Variants in NCAM1 observed in about 807,000 individuals in gnomAD.
The protein encoded by NCAM1 is antigen recognized by monoclonal antibody 5.1H11.
Under a neutral mutation model 109.8 loss-of-function variants are expected in NCAM1, and 14 were observed. That is an observed-to-expected ratio of 0.13 (90% CI 0.08 to 0.20). The LOEUF (loss-of-function observed/expected upper bound fraction) is 0.20. NCAM1 is among the 10% of genes least tolerant of loss of function. The probability of loss-of-function intolerance (pLI) is 1.00; values close to 1 mark genes in which losing one functional copy is unlikely to be tolerated. For synonymous variants in NCAM1, 418 were observed against 442.9 expected (o/e 0.94, Z 0.70); for missense variants, 774 against 1,109.9 (o/e 0.70, Z 4.30).
chr11:113,273,676 C>T lies in NCAM1; in HGVS notation c.2457-1591C>T, dbSNP rs781994221. The T allele has an allele frequency of 4.4e-6, 2 of 456,118 alleles. No individual in the cohort carries two copies. Among genetic ancestry groups the T allele is most frequent in the Admixed American group, 2.4e-5 (1 of 42,524 alleles). The allele number at this position is 456,118 out of a possible 1,614,324, so 28.3% of individuals were successfully genotyped here. A position where few individuals can be genotyped will look rare whatever the true frequency, so the allele number is the denominator to read the frequency against. Reference sequence around the variant, plus strand: ...GGCTCTCCTGCTCCCGCCGCTGGGGCCAGTGGACAAGCCCCTGAGCTTGCT... The same window carrying T: ...GGCTCTCCTGCTCCCGCCGCTGGGGTCAGTGGACAAGCCCCTGAGCTTGCT... On this transcript the variant is annotated intron_variant, in intron 19 of 19. Coordinates refer to ENST00000316851, the MANE Select transcript of NCAM1 (RefSeq NM_181351.5). The surrounding 1 kb of genome is among the most constrained non-coding windows in gnomAD (Gnocchi z 6.0).
chr11:113,016,615 C>T (rs1952212108), intron 1 of NCAM1, among the ~76,000 whole-genome samples: 1 of 152,048 alleles, frequency 6.6e-6, no homozygotes, highest in Admixed American at 6.5e-5. Context: ...TAGGGTGTGC[C>T]AGTTGCCTGT....
intron 1 of NCAM1, among the ~76,000 whole-genome samples, chr11:113,073,786 G>A (rs1555085677): frequency 6.6e-6 from 1 of 152,174 alleles, no homozygotes; most frequent in East Asian, 1.9e-4. Context: ...TGTCAGAAGT[G>A]AGGAACACAC....
chr11:112,981,470 T>C (rs1940729), intron 1 of NCAM1, among the ~76,000 whole-genome samples: 68,026 of 151,340 alleles, frequency 0.45, 16,096 homozygotes, highest in East Asian at 0.8. Context: ...TCTTAGATGG[T>C]ATGTATTGTG....
chr11:113,268,368 C>T (rs1946185133), intron 17 of NCAM1, among the ~76,000 whole-genome samples: 1 of 152,178 alleles, frequency 6.6e-6, no homozygotes, highest in African/African-American at 2.4e-5. Flanking sequence ...AAGCAGAGTT[C>T]TTCGCCATCT....
intron 1 of NCAM1, among the ~76,000 whole-genome samples, chr11:113,070,792 A>G (rs1434320378): frequency 6.6e-6 from 1 of 152,166 alleles, no homozygotes; most frequent in Non-Finnish European, 1.5e-5. Context: ...TTGCTGATAG[A>G]CAGGGGAGAA....
intron 15 of NCAM1, among the ~76,000 whole-genome samples, chr11:113,252,502 T>G (rs1555121546): frequency 1.3e-5 from 2 of 152,146 alleles, no homozygotes; most frequent in Non-Finnish European, 2.9e-5. Context: ...GTTTTTTCAT[T>G]TGGCAAACAA....
At chr11:113,115,563 G>C (rs1940661728) in intron 1 of NCAM1, among the ~76,000 whole-genome samples, 1 of 152,202 alleles carries the variant, frequency 6.6e-6, no homozygotes, top group African/African-American at 2.4e-5. Context: ...ACGGTGACCA[G>C]AAAGTCAGGA....
At chr11:113,258,894 C>T (rs887812800) in intron 16 of NCAM1, among the ~76,000 whole-genome samples, 4 of 152,180 alleles carry the variant, frequency 2.6e-5, no homozygotes, top group Non-Finnish European at 5.9e-5. Context: ...TGTGATTTTA[C>T]GTTAGTCACC....
chr11:113,204,701 C>A (rs557496378), intron 3 of NCAM1, among the ~76,000 whole-genome samples, 197 bp downstream of exon 3: 31 of 152,304 alleles, frequency 2.0e-4, no homozygotes, highest in African/African-American at 6.5e-4. Flanking sequence ...GCTACTCCCC[C>A]ACAGGCGTTC....
chr11:113,158,105 A>G (rs912074939), intron 1 of NCAM1, among the ~76,000 whole-genome samples: 7 of 152,192 alleles, frequency 4.6e-5, no homozygotes, highest in Non-Finnish European at 8.8e-5. Flanking sequence ...ATAATATCTA[A>G]AAATTGTATA....
intron 9 of NCAM1, among the ~76,000 whole-genome samples, chr11:113,222,278 C>CT (rs2137104747): frequency 6.6e-6 from 1 of 152,292 alleles, no homozygotes; most frequent in East Asian, 1.9e-4. Context: ...TTTGGTAAAT[C>CT]TATCCCTTAG....
At chr11:113,262,264 A>G (rs187290290) in intron 17 of NCAM1, among the ~76,000 whole-genome samples, 92 of 152,350 alleles carry the variant, frequency 6.0e-4, no homozygotes, top group African/African-American at 2.1e-3. Flanking sequence ...AGCCTGCTTC[A>G]TCTCTGACAA....
chr11:113,053,003 G>A (rs1442986354), intron 1 of NCAM1, among the ~76,000 whole-genome samples: 1 of 152,168 alleles, frequency 6.6e-6, no homozygotes, highest in Non-Finnish European at 1.5e-5. Context: ...CTGCCACAAA[G>A]AGTGTAGGTC....
chr11:113,055,026 A>G (rs1272890186), intron 1 of NCAM1, among the ~76,000 whole-genome samples: 1 of 152,216 alleles, frequency 6.6e-6, no homozygotes, highest in Non-Finnish European at 1.5e-5. Context: ...TTTGCTGAAG[A>G]CATGATACAG....
chr11:113,142,299 T>C (rs1396909847), intron 1 of NCAM1, among the ~76,000 whole-genome samples: 1 of 152,168 alleles, frequency 6.6e-6, no homozygotes, highest in African/African-American at 2.4e-5. Flanking sequence ...CTTTTTGACA[T>C]TAGAGTCTGT....
chr11:113,056,255 G>A (rs1555082566), intron 1 of NCAM1, among the ~76,000 whole-genome samples: 2 of 151,432 alleles, frequency 1.3e-5, no homozygotes, highest in Non-Finnish European at 1.5e-5. Flanking sequence ...TGGGAAGGGA[G>A]AAAGGGAAAT....
chr11:113,148,789 C>G (rs560847889), intron 1 of NCAM1, among the ~76,000 whole-genome samples: 1 of 152,280 alleles, frequency 6.6e-6, no homozygotes, highest in South Asian at 2.1e-4. Context: ...GAAGACTCTT[C>G]CAAGTCTCAG....
chr11:113,008,292 TA>T lies in NCAM1; in HGVS notation c.52+46629del, dbSNP rs1280789512. Among the ~76,000 whole-genome samples the T allele has an allele frequency of 7.2e-5, 11 of 152,254 alleles. No individual in the cohort carries two copies. In the East Asian group the frequency reaches 1.7e-3, roughly 24 times the overall value. Reference sequence around the variant, plus strand: ...TACTGGCTTTCAGAATAATCACAGATAGGGGGGCAGGGGTCACATGGCCATT... The same window carrying T: ...TACTGGCTTTCAGAATAATCACAGATGGGGGGCAGGGGTCACATGGCCATT... On this transcript the variant is annotated intron_variant, in intron 1 of 19. Coordinates refer to ENST00000316851, the MANE Select transcript of NCAM1 (RefSeq NM_181351.5).
chr11:113,054,722 G>C (rs537651203), intron 1 of NCAM1, among the ~76,000 whole-genome samples: 2 of 152,116 alleles, frequency 1.3e-5, no homozygotes, highest in Non-Finnish European at 2.9e-5. Context: ...GCATGTTTTT[G>C]ATGGAAAGTC....
Sources: gnomAD v4.1 joint callset for allele counts (sites outside exome capture counted in the v4.1 genomes callset) on GRCh38, gnomAD v4.1.1 for gene constraint, Gnocchi (gnomAD v3.1) non-coding constraint, MANE v1.5 for transcripts, NCBI Gene and HGNC (gene_info 2026-07-23, HGNC 2026-07-21) for gene names.